Variants in CCT8 observed in about 807,000 individuals in gnomAD.
CCT8 encodes the protein chaperonin containing TCP1 subunit 8, also known as T-complex protein 1 subunit theta.
A neutral mutation model predicts 65.7 loss-of-function variants in CCT8; 10 were observed. That is an observed-to-expected ratio of 0.15 (90% confidence interval 0.09 to 0.26). The LOEUF (loss-of-function observed/expected upper bound fraction) is 0.26, where lower values mean the gene tolerates loss of function less well. Ranked by LOEUF, CCT8 falls within the 10% of genes least tolerant of loss-of-function variation. CCT8 has a pLI of 1.00. For synonymous variants in CCT8, 199 were observed against 221.8 expected, an observed-to-expected ratio of 0.90 and a Z score of 0.92; for missense variants, 568 against 669.1, an observed-to-expected ratio of 0.85 and a Z score of 1.67.
At position 29,062,248 on chromosome 21, in the gene CCT8, CA is replaced by C. The variant is rs760312150; in HGVS notation, c.1097-6del. 6 of 1,610,888 alleles carry C rather than the reference CA, an allele frequency of 3.7e-6. No individual in the cohort carries two copies. The highest frequency in any genetic ancestry group is 5.1e-6 in the Non-Finnish European group (6 of 1,177,544). Reference sequence around the variant, plus strand: ...AAATGGCGCCATCTTCCTTTTCTATCAAAAAATTAAATATATTTGGTGATTA... The same window carrying C: ...AAATGGCGCCATCTTCCTTTTCTATCAAAAATTAAATATATTTGGTGATTA... On this transcript the variant is annotated splice_polypyrimidine_tract_variant and splice_region_variant and intron_variant, in intron 10 of 14. Transcript: ENST00000286788.
intron 7 of CCT8, among the ~76,000 whole-genome samples, chr21:29,064,694 TCA>T (rs1324879091): frequency 6.6e-6 from 1 of 152,190 alleles, no homozygotes; most frequent in Non-Finnish European, 1.5e-5. Flanking sequence ...CACAAAATAC[TCA>T]CATTCTCATA....
chr21:29,071,993 T>C, intron 1 of CCT8: 2 of 694,186 alleles, frequency 2.9e-6, no homozygotes, highest in Non-Finnish European at 2.6e-6. Context: ...TACAACCTGT[T>C]GTTGTTGTTG....
At position 29,073,646 on chromosome 21, in the gene CCT8, A is replaced by T; in HGVS notation, c.-56T>A. ...CGCTCGGAAGACCGCGGAGGAAGCG[A>T]GGAGCACGCACAGCCTTCTGGGAAA... On this transcript the variant is annotated 5_prime_UTR_variant, in exon 1 of 15. Transcript: ENST00000286788. The T allele has an allele frequency of 6.5e-7, 1 of 1,530,426 alleles. No homozygotes were observed. The highest frequency in any genetic ancestry group is 9.0e-7 in the Non-Finnish European group (1 of 1,106,388). The allele number at this position is 1,530,426 out of a possible 1,614,324, so 94.8% of individuals were successfully genotyped here.
chr21:29,062,746 G>C, intron 8 of CCT8, 190 bp from the exon 9 acceptor site: 1 of 602,972 alleles, frequency 1.7e-6, no homozygotes, highest in Admixed American at 3.0e-5. Context: ...CTCTGAGTGA[G>C]TCCAGCTGGC....
chr21:29,058,732 C>T (rs1423948770), intron 14 of CCT8, among the ~76,000 whole-genome samples: 1 of 151,520 alleles, frequency 6.6e-6, no homozygotes, highest in Non-Finnish European at 1.5e-5. Context: ...GCTGGGACTA[C>T]AGGCATCTGC....
intron 1 of CCT8, among the ~76,000 whole-genome samples, chr21:29,072,608 C>A (rs2085694199): frequency 6.6e-6 from 1 of 152,180 alleles, no homozygotes; most frequent in Admixed American, 6.5e-5. Flanking sequence ...GTGCATCCTA[C>A]AAACATGAAC....
chr21:29,073,275 C>T lies in CCT8; in HGVS notation c.60+256G>A. 4 of 1,317,500 alleles carry T rather than the reference C, an allele frequency of 3.0e-6. No individual in the cohort carries two copies. The South Asian group carries it at 5.7e-5, about 19-fold the overall frequency. The allele number at this position is 1,317,500 out of a possible 1,614,324, so 81.6% of individuals were successfully genotyped here. On this transcript the variant is annotated intron_variant, in intron 1 of 14. Coordinates refer to ENST00000286788, the MANE Select transcript of CCT8 (RefSeq NM_006585.4). Reference sequence around the variant, plus strand: ...CAAAACGCACGCGCGGCTTCACATCCGTCCACCTTCAAGGTGTACAATGTC... The same window carrying T: ...CAAAACGCACGCGCGGCTTCACATCTGTCCACCTTCAAGGTGTACAATGTC...
intron 7 of CCT8, among the ~76,000 whole-genome samples, 161 bp downstream of exon 7, chr21:29,064,807 A>G (rs377560609): frequency 3.0e-4 from 45 of 152,334 alleles, no homozygotes; most frequent in African/African-American, 7.9e-4. Flanking sequence ...AATGTTCAGT[A>G]GTTGAATTAG....
Position 29,073,347 on chromosome 21 carries a change from GA to G in CCT8, c.60+183del, listed in dbSNP as rs1306238880. 2.1e-6 allele frequency: 3 copies of G among 1,426,168 alleles called. No individual in the cohort carries two copies. In the African/African-American group the frequency reaches 4.3e-5, roughly 21 times the overall value. The allele number at this position is 1,426,168 out of a possible 1,614,324, so 88.3% of individuals were successfully genotyped here. ...GCCTTCTCCCGGTCGCGGAAGAAGA[GA>G]AGTGCCCGCAGGCTCCGGTGGCCGA... On this transcript the variant is annotated intron_variant, in intron 1 of 14. Coordinates refer to ENST00000286788, the MANE Select transcript of CCT8 (RefSeq NM_006585.4).
intron 7 of CCT8, 41 bp downstream of exon 7, chr21:29,064,927 G>C: frequency 6.3e-7 from 1 of 1,587,600 alleles, no homozygotes; most frequent in South Asian, 1.1e-5. Flanking sequence ...ATCTGAAAGT[G>C]CAACCCCAAT....
At position 29,060,618 on chromosome 21, in the gene CCT8, G is replaced by T. The variant is rs1271224411; in HGVS notation, c.1492C>A (p.Leu498Ile). 14 of 1,613,678 alleles carry T rather than the reference G, an allele frequency of 8.7e-6. No homozygotes were observed. Among genetic ancestry groups the T allele is most frequent in the Non-Finnish European group, 1.2e-5 (14 of 1,179,750 alleles). Residue 498 changes from leucine (L) to isoleucine (I), a missense_variant, in exon 14 of 15, where the codon CTA becomes ATA. Leu to Ile is a conservative substitution (Grantham distance 5, BLOSUM62 2). Coordinates refer to ENST00000286788, the MANE Select transcript of CCT8 (RefSeq NM_006585.4). ...CAATATTTTCCCAGGTAAGTATCTA[G>T]AATACCAGCTTCCAGCATGTCCTTT... ...AVKDMLEAGI[L>I]DTYLGKYWAI... is the part of the protein sequence containing the mutation.
At chr21:29,069,109 T>C (rs945864712) in intron 3 of CCT8, among the ~76,000 whole-genome samples, 6 of 152,220 alleles carry the variant, frequency 3.9e-5, no homozygotes, top group Non-Finnish European at 7.3e-5. Flanking sequence ...TATACGTTTT[T>C]GCACTGTGGA....
intron 3 of CCT8, 143 bp downstream of exon 3, chr21:29,069,280 A>G (rs950966238): frequency 7.6e-5 from 36 of 475,794 alleles, no homozygotes; most frequent in Non-Finnish European, 1.3e-4. Flanking sequence ...GACTCTTTAT[A>G]ATTAGAACAA....
chr21:29,069,237 G>A (rs775999416), intron 3 of CCT8, among the ~76,000 whole-genome samples, 186 bp downstream of exon 3: 9 of 152,104 alleles, frequency 5.9e-5, no homozygotes, highest in Non-Finnish European at 1.0e-4. Context: ...AGATTTTTAA[G>A]ATTTCAGTGG....
intron 14 of CCT8, among the ~76,000 whole-genome samples, chr21:29,057,734 A>G (rs2085517122): frequency 1.2e-5 from 1 of 81,348 alleles, no homozygotes; most frequent in South Asian, 2.8e-4. Flanking sequence ...TATATGTATG[A>G]TATATATATC....
rs1270269952 is a variant in CCT8 at position 29,067,807 on chromosome 21, G to A, written c.232-102C>T. 7 of 836,836 alleles carry A rather than the reference G, an allele frequency of 8.4e-6. No homozygotes were observed. The Admixed American group carries it at 1.6e-4, about 20-fold the overall frequency. The allele number at this position is 836,836 out of a possible 1,614,324, so 51.8% of individuals were successfully genotyped here. A position where few individuals can be genotyped will look rare whatever the true frequency, so the allele number is the denominator to read the frequency against. On this transcript the variant is annotated intron_variant, in intron 3 of 14. Transcript: ENST00000286788. ...TAGACTCAATTTTCTTGTAGATTAG[G>A]TAACTCCATCTGATCACACTGCTAC... is the stretch of plus-strand genomic sequence containing the variant.
intron 13 of CCT8, 111 bp downstream of exon 13, chr21:29,061,142 G>A: frequency 1.2e-6 from 1 of 861,222 alleles, no homozygotes; most frequent in Non-Finnish European, 1.8e-6. Context: ...AAAATAATCT[G>A]CTCCCAAATC....
intron 1 of CCT8, chr21:29,072,063 G>A (rs2085686628): frequency 3.0e-6 from 2 of 661,404 alleles, no homozygotes; most frequent in Non-Finnish European, 5.4e-6. Context: ...GTACTAGTTA[G>A]TCCCTGAGCC....
rs896695696 is a variant in CCT8 at position 29,073,212 on chromosome 21, T to C, written c.60+319A>G. ...TCAATTTCACCCTCACAACCTCCTT[T>C]AAGGGTGACGGGCCTTAGCCCCATT... On this transcript the variant is annotated intron_variant, in intron 1 of 14. Transcript: ENST00000286788. The C allele has an allele frequency of 2.6e-6, 3 of 1,175,712 alleles. No individual in the cohort carries two copies. In the African/African-American group the frequency reaches 4.7e-5, roughly 18 times the overall value. The allele number at this position is 1,175,712 out of a possible 1,614,324, so 72.8% of individuals were successfully genotyped here.
Sources: allele counts gnomAD v4.1 joint callset (sites outside exome capture counted in the v4.1 genomes callset), GRCh38; gene constraint gnomAD v4.1.1; transcripts MANE v1.5; gene names NCBI Gene and HGNC (gene_info 2026-07-23, HGNC 2026-07-21).